TSNAX: variants seen among roughly 807,000 people sequenced by gnomAD.
The protein encoded by TSNAX is translin-associated protein X.
TSNAX carries 12 observed loss-of-function variants against 33.0 expected under a neutral mutation model. The ratio of observed to expected loss-of-function variants is 0.36; its 90% CI spans 0.23 to 0.59. The LOEUF is 0.59. Ranked by LOEUF, TSNAX falls within the 20% of genes least tolerant of loss-of-function variation. The pLI is 0.74. For missense variants in TSNAX, 267 were observed against 341.3 expected (o/e 0.78, Z 1.72); for synonymous variants, 110 against 117.2 (o/e 0.94, Z 0.40).
chr1:231,537,799 A>C (rs943426294), intron 3 of TSNAX, among the ~76,000 whole-genome samples: 1 of 152,000 alleles, frequency 6.6e-6, no homozygotes, highest in Non-Finnish European at 1.5e-5. Context: ...AGAAAGAAAA[A>C]TTCAGAGCAG....
intron 4 of TSNAX, among the ~76,000 whole-genome samples, chr1:231,543,283 T>C (rs146956302): frequency 7.0e-4 from 106 of 151,752 alleles, no homozygotes; most frequent in Middle Eastern, 6.8e-3. Flanking sequence ...TTTCTTCTTT[T>C]TCTAATGTGG....
chr1:231,554,070 T>C (rs1660530097), intron 4 of TSNAX, among the ~76,000 whole-genome samples: 1 of 152,196 alleles, frequency 6.6e-6, no homozygotes, highest in Non-Finnish European at 1.5e-5. Context: ...ACAACTTATA[T>C]AATGACTAGA....
At chr1:231,531,427 G>GT (rs1268116989) in intron 2 of TSNAX, among the ~76,000 whole-genome samples, 2 of 152,174 alleles carry the variant, frequency 1.3e-5, no homozygotes, top group African/African-American at 4.8e-5. Context: ...GCTTTCATAA[G>GT]TTTTTTACAT....
intron 4 of TSNAX, among the ~76,000 whole-genome samples, chr1:231,554,171 C>G (rs1419844152): frequency 6.6e-6 from 1 of 152,212 alleles, no homozygotes; most frequent in African/African-American, 2.4e-5. Flanking sequence ...TCCATATTCT[C>G]TCTTTTCCCT....
At chr1:231,549,150 G>A (rs1361351803) in intron 4 of TSNAX, among the ~76,000 whole-genome samples, 2 of 152,132 alleles carry the variant, frequency 1.3e-5, no homozygotes, top group Non-Finnish European at 2.9e-5. Context: ...ATTGATGGGA[G>A]ACTGGAGATT....
intron 2 of TSNAX, chr1:231,534,241 T>C (rs1413748003): frequency 2.6e-5 from 4 of 152,178 alleles, no homozygotes; most frequent in African/African-American, 9.7e-5. Context: ...TTTGGGGGTA[T>C]TGCAAGGGAC....
chr1:231,540,546 AGCCTTAATTTTG>A (rs1319402380), intron 3 of TSNAX, among the ~76,000 whole-genome samples: 1 of 152,212 alleles, frequency 6.6e-6, no homozygotes, highest in Non-Finnish European at 1.5e-5. Flanking sequence ...AAATTTATGG[AGCCTTAATTTTG>A]GCCCAGGATA....
intron 2 of TSNAX, chr1:231,536,446 G>C (rs1659178587): frequency 6.6e-6 from 1 of 152,182 alleles, no homozygotes; most frequent in Non-Finnish European, 1.5e-5. Flanking sequence ...TACACATACT[G>C]TGGCACTCAC....
At position 231,528,899 on chromosome 1, in the gene TSNAX, C is replaced by T; in HGVS notation, c.16+73C>T. The T allele has an allele frequency of 8.8e-6, 14 of 1,587,502 alleles. No individual in the cohort carries two copies. In the South Asian group the frequency reaches 1.2e-4, roughly 14 times the overall value. The stretch of plus-strand genomic sequence containing the variant: ...TCTCCAGTCTTTCTATGCAGTTTTC[C>T]CCTTTTCACCCTTGAAGGATGCCTT... On this transcript the variant is annotated intron_variant, in intron 1 of 5. Coordinates refer to ENST00000366639, the MANE Select transcript of TSNAX (RefSeq NM_005999.3).
rs373312904 is a variant in TSNAX, at chr1:231,564,947, A to G, written c.*42A>G. 325 of 1,569,994 alleles carry G rather than the reference A, an allele frequency of 2.1e-4. No individual in the cohort carries two copies. Among genetic ancestry groups the G allele is most frequent in the South Asian group, 6.0e-4 (50 of 83,930 alleles). On this transcript the variant is annotated 3_prime_UTR_variant, in exon 6 of 6. Transcript: ENST00000366639. ...GTTACTAATTCTTTTGAGAACTCCT[A>G]AGAGACCAATTTGTAAGACTTATTT...
At chr1:231,537,740 CAA>C (rs541527416) in intron 3 of TSNAX, among the ~76,000 whole-genome samples, 43 of 66,190 alleles carry the variant, frequency 6.5e-4, no homozygotes, top group Non-Finnish European at 6.9e-4. Context: ...GACCCTGTCT[CAA>C]AAAAAAAAAA....
intron 5 of TSNAX, chr1:231,563,652 ATT>A (rs11313472): frequency 0.05 from 6,669 of 133,736 alleles, 440 homozygotes; most frequent in African/African-American, 0.15. Flanking sequence ...GTGGATATAA[ATT>A]TTTTTTTTTT....
chr1:231,538,320 A>G (rs1306259594), intron 3 of TSNAX, among the ~76,000 whole-genome samples: 1 of 152,222 alleles, frequency 6.6e-6, no homozygotes, highest in Non-Finnish European at 1.5e-5. Context: ...TATTTTATGC[A>G]CTATTTTCTA....
chr1:231,537,290 A>C lies in TSNAX; in HGVS notation c.199A>C (p.Ser67Arg), dbSNP rs1292560195. Residue 67 changes from serine (S) to arginine (R), a missense_variant, in exon 3 of 6, where the codon AGT (serine) becomes CGT (arginine). This residue lies in a region of TSNAX where 200 missense variants were observed against 214.1 expected (regional missense o/e 0.93). Transcript: ENST00000366639. ...ACTTAGTCGGGATATAACTGTTGAA[A>C]GTAAAAGGACAATTTTTCTCCTCCA... ...VKLSRDITVE[S>R]KRTIFLLHRI... 6.2e-7 allele frequency: 1 copy of C among 1,613,676 alleles called. No homozygotes were observed. Among genetic ancestry groups the C allele is most frequent in the Non-Finnish European group, 8.5e-7 (1 of 1,179,836 alleles).
chr1:231,537,462 T>A (rs12063474), intron 3 of TSNAX, 135 bp downstream of exon 3: 48 of 540,980 alleles, frequency 8.9e-5, no homozygotes, highest in Non-Finnish European at 1.4e-4. Context: ...AGGTCTCAGC[T>A]GGGTGTGGTG....
chr1:231,559,150 T>C (rs1660875943), intron 4 of TSNAX, among the ~76,000 whole-genome samples: 1 of 152,092 alleles, frequency 6.6e-6, no homozygotes, highest in Non-Finnish European at 1.5e-5. Context: ...CCTCTTAAGT[T>C]CTGAGTTTTC....
At chr1:231,543,710 A>G (rs1224614276) in intron 4 of TSNAX, among the ~76,000 whole-genome samples, 1 of 152,244 alleles carries the variant, frequency 6.6e-6, no homozygotes, top group Non-Finnish European at 1.5e-5. Context: ...AGAAAGTACC[A>G]GCATACATTA....
At chr1:231,547,582 G>C (rs111374495) in intron 4 of TSNAX, among the ~76,000 whole-genome samples, 1,652 of 151,078 alleles carry the variant, frequency 0.011, 20 homozygotes, top group Non-Finnish European at 0.014. Context: ...GTAGAGGTGG[G>C]GTTTCACTAT....
intron 3 of TSNAX, among the ~76,000 whole-genome samples, chr1:231,538,437 A>G (rs1659334306): frequency 6.6e-6 from 1 of 152,218 alleles, no homozygotes; most frequent in Non-Finnish European, 1.5e-5. Context: ...TCTTATGAGC[A>G]GCTGAGGATC....
Sources: gnomAD v4.1 joint callset for allele counts (sites outside exome capture counted in the v4.1 genomes callset) on GRCh38, gnomAD v4.1.1 for gene constraint, gnomAD v4.1.1 regional missense constraint, MANE v1.5 for transcripts, NCBI Gene and HGNC (gene_info 2026-07-23, HGNC 2026-07-21) for gene names.